Variants in PLCG2 observed in about 807,000 individuals in gnomAD.
PLCG2 encodes the protein phospholipase C gamma 2.
A neutral mutation model predicts 175.6 loss-of-function variants in PLCG2; 69 were observed. The ratio of observed to expected loss-of-function variants is 0.39; its 90% CI spans 0.32 to 0.48. The LOEUF (loss-of-function observed/expected upper bound fraction) is 0.48. PLCG2 is among the 20% of genes least tolerant of loss of function. PLCG2 has a pLI of 0.91. For missense variants in PLCG2, 1,798 were observed against 1,650.9 expected (o/e 1.09, Z -1.54); for synonymous variants, 827 against 624.0 (o/e 1.33, Z -4.85).
At position 81,883,214 on chromosome 16, in the gene PLCG2, G is replaced by T. The variant is rs535744756; in HGVS notation, c.693-55G>T. ...GCCCCATTGGCTGGCATCTCCTCTC[G>T]ACTCCTCTGTTGAATGTGTCTGTCT... On this transcript the variant is annotated intron_variant, in intron 8 of 32. Transcript: ENST00000564138. 7.2e-6 allele frequency: 11 copies of T among 1,519,932 alleles called. No homozygotes were observed. The Admixed American group carries it at 1.7e-4, about 23-fold the overall frequency. 94.2% of individuals were successfully genotyped at this position (1,519,932 alleles called of 1,614,324 possible).
At chr16:81,956,381 G>A (rs1464408037) in intron 31 of PLCG2, among the ~76,000 whole-genome samples, 1 of 152,136 alleles carries the variant, frequency 6.6e-6, no homozygotes, top group Non-Finnish European at 1.5e-5. Flanking sequence ...GCCAGAAGGT[G>A]ACATGTAGAC....
At chr16:81,940,137 G>T (rs1284876237) in intron 30 of PLCG2, 78 bp downstream of exon 30, 2 of 1,286,296 alleles carry the variant, frequency 1.6e-6, no homozygotes, top group Non-Finnish European at 2.2e-6. Context: ...CAAAAAGAAT[G>T]AAAAATGATT....
intron 22 of PLCG2, among the ~76,000 whole-genome samples, chr16:81,924,699 A>G (rs963636848): frequency 1.3e-5 from 2 of 152,258 alleles, no homozygotes; most frequent in African/African-American, 4.8e-5. Flanking sequence ...AAACCAATTC[A>G]TACCTAGATT....
intron 18 of PLCG2, 63 bp from the exon 19 acceptor site, chr16:81,912,534 G>C (rs910864158): frequency 1.1e-5 from 17 of 1,590,230 alleles, no homozygotes; most frequent in African/African-American, 1.3e-5. Context: ...TGTCCTCTGC[G>C]GGTGGCCCAC....
At chr16:81,819,171 G>A (rs1904685555) in intron 2 of PLCG2, among the ~76,000 whole-genome samples, 1 of 152,022 alleles carries the variant, frequency 6.6e-6, no homozygotes, top group Admixed American at 6.6e-5. Context: ...CTTGAGCATG[G>A]AAGACAAAGA....
intron 12 of PLCG2, among the ~76,000 whole-genome samples, chr16:81,894,609 A>G (rs543874238): frequency 2.6e-4 from 39 of 152,262 alleles, no homozygotes; most frequent in African/African-American, 8.9e-4. Flanking sequence ...GTGGTGTCTC[A>G]TGCCTGTAAT....
chr16:81,844,245 G>T (rs1430896439), intron 2 of PLCG2, among the ~76,000 whole-genome samples: 1 of 148,762 alleles, frequency 6.7e-6, no homozygotes, highest in Non-Finnish European at 1.5e-5. Context: ...CACCCGCCTC[G>T]GCCTCCCAAA....
intron 10 of PLCG2, among the ~76,000 whole-genome samples, chr16:81,890,092 A>G (rs1469644189): frequency 6.6e-6 from 1 of 152,206 alleles, no homozygotes; most frequent in Non-Finnish European, 1.5e-5. Context: ...CGGTCCAGGT[A>G]GAGCCATGCG....
At position 81,956,766 on chromosome 16, in the gene PLCG2, C is replaced by G. The variant is rs1911585442; in HGVS notation, c.3642C>G (p.Leu1214=). ...GGCAAGAAGAACTGAACAACCAGCT[C>G]TTTCTGTATGACACACACCAGAACT... ...RRRQEELNNQ[L]FLYDTHQNLR... Residue 1214 remains leucine, a synonymous_variant, in exon 32 of 33, where the codon CTC becomes CTG. Coordinates refer to ENST00000564138, the MANE Select transcript of PLCG2 (RefSeq NM_002661.5). The G allele has an allele frequency of 6.2e-7, 1 of 1,614,184 alleles. No individual in the cohort carries two copies. The highest frequency in any genetic ancestry group is 1.1e-5 in the South Asian group (1 of 91,086).
chr16:81,792,264 C>A (rs1911266085), intron 2 of PLCG2, among the ~76,000 whole-genome samples: 1 of 151,962 alleles, frequency 6.6e-6, no homozygotes, highest in African/African-American at 2.4e-5. Context: ...AATGGACCAC[C>A]TGGGGTCAGG....
chr16:81,929,680 G>T (rs1910421368), intron 24 of PLCG2, among the ~76,000 whole-genome samples: 1 of 152,258 alleles, frequency 6.6e-6, no homozygotes, highest in African/African-American at 2.4e-5. Context: ...ACAGGCATGT[G>T]CCACCATGCC....
At chr16:81,946,350 G>A in intron 31 of PLCG2, 87 bp downstream of exon 31, 1 of 909,130 alleles carries the variant, frequency 1.1e-6, no homozygotes, top group Non-Finnish European at 1.8e-6. Flanking sequence ...TTGGCAGATG[G>A]ACTTAAGCCC....
intron 2 of PLCG2, among the ~76,000 whole-genome samples, chr16:81,796,411 C>T (rs1597323404): frequency 1.3e-5 from 2 of 152,224 alleles, no homozygotes; most frequent in Non-Finnish European, 2.9e-5. Flanking sequence ...CTTTGGAGAT[C>T]AGTATCCTTT....
At chr16:81,813,551 G>C (rs1904410548) in intron 2 of PLCG2, among the ~76,000 whole-genome samples, 1 of 152,178 alleles carries the variant, frequency 6.6e-6, no homozygotes, top group Non-Finnish European at 1.5e-5. Flanking sequence ...TTGCTTATCA[G>C]CTGAAGGAGA....
chr16:81,883,653 C>T (rs1370584077), intron 9 of PLCG2: 5 of 400,290 alleles, frequency 1.2e-5, no homozygotes, highest in Non-Finnish European at 1.9e-5. Flanking sequence ...ATGGGGCTGC[C>T]CTCACCTGGC....
intron 2 of PLCG2, among the ~76,000 whole-genome samples, chr16:81,811,859 A>G (rs899761307): frequency 1.2e-4 from 19 of 152,066 alleles, no homozygotes; most frequent in African/African-American, 3.9e-4. Context: ...TAGTAGAATG[A>G]TTTACAATCC....
At chr16:81,839,044 G>C (rs1306570394) in intron 2 of PLCG2, among the ~76,000 whole-genome samples, 1 of 151,972 alleles carries the variant, frequency 6.6e-6, no homozygotes, top group Non-Finnish European at 1.5e-5. Flanking sequence ...TTTGCTTCCA[G>C]CAGACAACTA....
At chr16:81,764,742 G>A (rs888921113) in intron 2 of PLCG2, among the ~76,000 whole-genome samples, 1 of 152,176 alleles carries the variant, frequency 6.6e-6, no homozygotes, top group Non-Finnish European at 1.5e-5. Context: ...TGGAAAGAGG[G>A]TCTTTGCAGA....
rs1051315426 is a variant in PLCG2 at position 81,900,612 on chromosome 16, C to G, written c.1194C>G (p.Ser398Arg). ...GCTGCCCACCCTCTTCTGCCTGCAG[C>G]TTCCCAGTGATCCTGTCCATCGAGG... ...AIKDHAFVTS[S>R]FPVILSIEEH... is the part of the protein sequence containing the mutation. The change falls in exon 14 of 33, where the codon AGC (serine) becomes AGG (arginine). Residue 398 changes from serine to arginine, a missense_variant and splice_region_variant. Ser to Arg is a moderately radical substitution (Grantham distance 110). Coordinates refer to ENST00000564138, the MANE Select transcript of PLCG2 (RefSeq NM_002661.5). 6.3e-6 allele frequency: 10 copies of G among 1,587,842 alleles called. No homozygotes were observed. Among genetic ancestry groups the G allele is most frequent in the Non-Finnish European group, 6.9e-6 (8 of 1,158,834 alleles).
Sources: allele counts gnomAD v4.1 joint callset (sites outside exome capture counted in the v4.1 genomes callset), GRCh38; gene constraint gnomAD v4.1.1; transcripts MANE v1.5; gene names NCBI Gene and HGNC (gene_info 2026-07-23, HGNC 2026-07-21).